Variants in CNTN5 observed in about 807,000 individuals in gnomAD.
The protein encoded by CNTN5 is contactin-5.
A neutral mutation model predicts 129.1 loss-of-function variants in CNTN5; 77 were observed. The observed-to-expected ratio is 0.60, with a 90% CI of 0.50 to 0.72. The LOEUF is 0.72. Ranked by LOEUF, CNTN5 falls within the 30% of genes least tolerant of loss-of-function variation. The pLI, the probability that CNTN5 is intolerant of heterozygous loss-of-function variation, is 0.00. For synonymous variants in CNTN5, 509 were observed against 465.6 expected (o/e 1.09, Z -1.20); for missense variants, 1,478 against 1,328.8 (o/e 1.11, Z -1.75).
intron 13 of CNTN5, among the ~76,000 whole-genome samples, chr11:100,179,477 T>G (rs1948071960): frequency 6.6e-6 from 1 of 152,016 alleles, no homozygotes; most frequent in Non-Finnish European, 1.5e-5. Flanking sequence ...TATAAAACCA[T>G]TAGGTTGAAC....
At chr11:99,437,248 G>A (rs946648545) in intron 2 of CNTN5, among the ~76,000 whole-genome samples, 6 of 152,172 alleles carry the variant, frequency 3.9e-5, no homozygotes, top group Admixed American at 2.6e-4. Context: ...AATACCTGAT[G>A]TTATGTTAAA....
chr11:100,311,286 A>G (rs1434856812), intron 21 of CNTN5, among the ~76,000 whole-genome samples: 1 of 151,940 alleles, frequency 6.6e-6, no homozygotes, highest in Admixed American at 6.6e-5. Context: ...AATTGCAGAG[A>G]TATTTGACCC....
At chr11:99,920,473 A>G (rs575436657) in intron 7 of CNTN5, among the ~76,000 whole-genome samples, 13 of 152,288 alleles carry the variant, frequency 8.5e-5, no homozygotes, top group Admixed American at 2.6e-4. Flanking sequence ...TTTGGCTAAT[A>G]GGCACTTCAA....
At chr11:99,818,437 T>C (rs1946664713) in intron 3 of CNTN5, among the ~76,000 whole-genome samples, 1 of 152,166 alleles carries the variant, frequency 6.6e-6, no homozygotes, top group Non-Finnish European at 1.5e-5. Flanking sequence ...TTGTACTTTT[T>C]GTGTAGATGG....
chr11:100,258,375 T>C (rs1011697676), intron 17 of CNTN5, among the ~76,000 whole-genome samples: 3 of 152,128 alleles, frequency 2.0e-5, no homozygotes, highest in African/African-American at 7.2e-5. Context: ...AGGGATATTA[T>C]CCAGGAGAAC....
chr11:100,297,608 C>T lies in CNTN5; in HGVS notation c.2315-17C>T. Reference sequence around the variant, plus strand: ...GGAGTTTTTTTCTCCTCACTCTCCACCCATTTTTATCCACAGTTCCGAAGA... The same window carrying T: ...GGAGTTTTTTTCTCCTCACTCTCCATCCATTTTTATCCACAGTTCCGAAGA... On this transcript the variant is annotated splice_polypyrimidine_tract_variant and intron_variant, in intron 18 of 24. Transcript: ENST00000524871. The T allele has an allele frequency of 6.3e-7, 1 of 1,597,426 alleles. No homozygotes were observed. Among genetic ancestry groups the T allele is most frequent in the Non-Finnish European group, 8.6e-7 (1 of 1,168,884 alleles).
At chr11:99,832,845 C>T (rs1251934333) in intron 4 of CNTN5, among the ~76,000 whole-genome samples, 1 of 152,144 alleles carries the variant, frequency 6.6e-6, no homozygotes, top group Admixed American at 6.6e-5. Context: ...ACTTAGTTTA[C>T]ATTACATGAA....
At chr11:99,394,435 GAATAAATTC>G (rs1941416299) in intron 2 of CNTN5, among the ~76,000 whole-genome samples, 1 of 151,254 alleles carries the variant, frequency 6.6e-6, no homozygotes, top group Non-Finnish European at 1.5e-5. Context: ...TAAAATTATG[GAATAAATTC>G]ATCTTTCATT....
In CNTN5 at chr11:99,133,615, C is replaced by CAAAAAAAAAAAAAAAAAAA. The variant is rs566769880; in HGVS notation, c.-210+112347_-210+112348insAAAAAAAAAAAAAAAAAAA. ...GCAAAGGATAGGAACAGACACTTCT[C>CAAAAAAAAAAAAAAAAAAA]AAGAAAAAAAAAAGACCATACATGC... is the stretch of plus-strand genomic sequence containing the variant. On this transcript the variant is annotated intron_variant, in intron 1 of 24. Coordinates refer to ENST00000524871, the MANE Select transcript of CNTN5 (RefSeq NM_014361.4). 2.8e-5 allele frequency among the ~76,000 whole-genome samples: 3 copies of CAAAAAAAAAAAAAAAAAAA among 106,004 alleles called. 1 individual carries two copies. Among genetic ancestry groups the CAAAAAAAAAAAAAAAAAAA allele is most frequent in the Non-Finnish European group, 5.7e-5 (3 of 53,000 alleles). 69.5% of individuals were successfully genotyped at this position (106,004 alleles called of 152,430 possible).
At chr11:100,234,283 C>A (rs1949554602) in intron 16 of CNTN5, among the ~76,000 whole-genome samples, 1 of 152,140 alleles carries the variant, frequency 6.6e-6, no homozygotes, top group African/African-American at 2.4e-5. Context: ...ACCCAGCAAT[C>A]CCATCACTGG....
Position 99,956,791 on chromosome 11 carries a change from T to G in CNTN5, c.674-15T>G. ...AATCAAAGTCTTTCGTTGACCAAAT[T>G]TTGTGTATTTTCAGAGATCATCTAT... On this transcript the variant is annotated splice_polypyrimidine_tract_variant and intron_variant, in intron 7 of 24. Coordinates refer to ENST00000524871, the MANE Select transcript of CNTN5 (RefSeq NM_014361.4). 6.2e-7 allele frequency: 1 copy of G among 1,608,674 alleles called. No homozygotes were observed. The highest frequency in any genetic ancestry group is 8.5e-7 in the Non-Finnish European group (1 of 1,176,102).
At chr11:99,049,727 A>C (rs1864351131) in intron 1 of CNTN5, 2 of 152,124 alleles carry the variant, frequency 1.3e-5, no homozygotes, top group Non-Finnish European at 2.9e-5. Flanking sequence ...GAATCCACAG[A>C]TGTGTAACCC....
chr11:99,455,348 T>G (rs1944457410), intron 2 of CNTN5, among the ~76,000 whole-genome samples: 1 of 152,116 alleles, frequency 6.6e-6, no homozygotes, highest in African/African-American at 2.4e-5. Context: ...TATATAAAAT[T>G]TTGACATTCA....
At chr11:100,266,078 T>C (rs1009941496) in intron 17 of CNTN5, among the ~76,000 whole-genome samples, 1 of 152,098 alleles carries the variant, frequency 6.6e-6, no homozygotes, top group African/African-American at 2.4e-5. Flanking sequence ...ACTGAACAGA[T>C]TTATTTGGTA....
At chr11:99,856,202 G>T (rs1198126648) in intron 6 of CNTN5, among the ~76,000 whole-genome samples, 1 of 152,070 alleles carries the variant, frequency 6.6e-6, no homozygotes, top group Non-Finnish European at 1.5e-5. Flanking sequence ...AGTATTTTGG[G>T]CAATTTCTAG....
At chr11:99,580,107 G>A (rs1222376176) in intron 3 of CNTN5, among the ~76,000 whole-genome samples, 1 of 152,230 alleles carries the variant, frequency 6.6e-6, no homozygotes, top group East Asian at 1.9e-4. Flanking sequence ...TTTGTCTTTG[G>A]TTCTGTTTAG....
chr11:99,626,864 T>C (rs1353542788), intron 3 of CNTN5, among the ~76,000 whole-genome samples: 1 of 152,068 alleles, frequency 6.6e-6, no homozygotes, highest in Non-Finnish European at 1.5e-5. Context: ...CATACAGAAA[T>C]GTATGTTCTT....
chr11:99,192,007 CTAACT>C (rs1314644401), intron 1 of CNTN5, among the ~76,000 whole-genome samples: 1 of 151,436 alleles, frequency 6.6e-6, no homozygotes, highest in Non-Finnish European at 1.5e-5. Flanking sequence ...AAAAGATCAA[CTAACT>C]TGAGTTGTAT....
intron 17 of CNTN5, among the ~76,000 whole-genome samples, chr11:100,267,280 CAG>C (rs1555053698): frequency 0.14 from 20,543 of 148,244 alleles, 2,041 homozygotes; most frequent in African/African-American, 0.28. Flanking sequence ...CACACACACA[CAG>C]AGAGAGAGAG....
Sources: gnomAD v4.1 joint callset for allele counts (sites outside exome capture counted in the v4.1 genomes callset) on GRCh38, gnomAD v4.1.1 for gene constraint, MANE v1.5 for transcripts, NCBI Gene and HGNC (gene_info 2026-07-23, HGNC 2026-07-21) for gene names.